Variants in PCDH11X observed in about 807,000 individuals in gnomAD.
The protein encoded by PCDH11X is protocadherin-11 X-linked.
In PCDH11X, 18 loss-of-function variants were observed where a neutral mutation model predicts 53.3. The ratio of observed to expected loss-of-function variants is 0.34; its 90% CI spans 0.23 to 0.50. The LOEUF is 0.50. Among genes scored for constraint, PCDH11X ranks in the 20% least tolerant of loss-of-function variants. The pLI, the probability that PCDH11X is intolerant of heterozygous loss-of-function variation, is 0.98. For missense variants in PCDH11X, 570 were observed against 1,032.4 expected (o/e 0.55, Z 6.14); for synonymous variants, 279 against 393.3 (o/e 0.71, Z 3.44).
At chrX:91,835,431 C>T (rs1304267570) in intron 4 of PCDH11X, 30 bp from the exon 5 acceptor site, 19 of 1,206,498 alleles carry the variant, frequency 1.6e-5, no homozygotes, top group Non-Finnish European at 2.0e-5. Context: ...TTTCTTCTTC[C>T]TCTTCTCTCT....
Position 92,587,723 on chromosome X carries a change from G to A in PCDH11X, c.3368-30541G>A, listed in dbSNP as rs1353259615. On this transcript the variant is annotated intron_variant, in intron 10 of 10. Coordinates refer to ENST00000682573, the MANE Select transcript of PCDH11X (RefSeq NM_032968.5). Reference sequence around the variant, plus strand: ...CAACAGTTCACTTGTAAATGGTTTCGAAGAAGAGATATTGAAGTAATATTC... The same window carrying A: ...CAACAGTTCACTTGTAAATGGTTTCAAAGAAGAGATATTGAAGTAATATTC... Among the ~76,000 whole-genome samples the A allele has an allele frequency of 3.8e-5, 4 of 106,368 alleles. No individual in the cohort carries two copies. The South Asian group carries it at 1.7e-3, about 45-fold the overall frequency. The allele number at this position is 106,368 out of a possible 115,157, so 92.4% of individuals were successfully genotyped here. A position where few individuals can be genotyped will look rare whatever the true frequency, so the allele number is the denominator to read the frequency against.
intron 8 of PCDH11X, among the ~76,000 whole-genome samples, chrX:92,321,186 T>TG (rs202131632): frequency 0.086 from 7,662 of 88,839 alleles, 305 homozygotes; most frequent in African/African-American, 0.11. Flanking sequence ...AACTGTAAGT[T>TG]TTTTTTTGTT....
intron 7 of PCDH11X, among the ~76,000 whole-genome samples, chrX:92,221,921 C>T (rs1282285584): frequency 1.8e-5 from 2 of 110,557 alleles, no homozygotes; most frequent in Non-Finnish European, 3.8e-5. Context: ...GCAATCTCCG[C>T]CTCCTGGGTT....
intron 6 of PCDH11X, among the ~76,000 whole-genome samples, chrX:92,112,275 C>T (rs1332973714): frequency 1.9e-5 from 2 of 105,870 alleles, no homozygotes; most frequent in Non-Finnish European, 3.9e-5. Flanking sequence ...AGCAGGCAGG[C>T]TCATAGATTT....
intron 6 of PCDH11X, among the ~76,000 whole-genome samples, chrX:91,880,155 T>G (rs1569425227): frequency 9.0e-6 from 1 of 110,738 alleles, no homozygotes. Flanking sequence ...TTTATCAGTG[T>G]TCCATGAAGA....
chrX:92,366,487 C>G (rs954315706), intron 8 of PCDH11X, among the ~76,000 whole-genome samples: 6 of 108,279 alleles, frequency 5.5e-5, no homozygotes, highest in Non-Finnish European at 9.6e-5. Context: ...GTGTCTCTAT[C>G]TCCTTCAGTT....
intron 10 of PCDH11X, among the ~76,000 whole-genome samples, chrX:92,589,072 C>T (rs1302664681): frequency 9.0e-6 from 1 of 111,518 alleles, no homozygotes; most frequent in Non-Finnish European, 1.9e-5. Flanking sequence ...AAAGAAAACC[C>T]TTCTACCCTA....
intron 6 of PCDH11X, among the ~76,000 whole-genome samples, chrX:92,088,928 A>G (rs1398096126): frequency 9.1e-6 from 1 of 110,142 alleles, no homozygotes; most frequent in Non-Finnish European, 1.9e-5. Flanking sequence ...AGAAATTACC[A>G]AAACAAAACA....
intron 6 of PCDH11X, among the ~76,000 whole-genome samples, chrX:91,886,526 T>C (rs1471305341): frequency 9.0e-6 from 1 of 111,015 alleles, no homozygotes; most frequent in African/African-American, 3.3e-5. Flanking sequence ...TTTAATGATA[T>C]GATATTTAAG....
intron 10 of PCDH11X, among the ~76,000 whole-genome samples, chrX:92,543,579 G>T (rs916220741): frequency 4.6e-5 from 5 of 108,538 alleles, no homozygotes; most frequent in Admixed American, 9.9e-5. Context: ...TGGTATCAGG[G>T]TCATTATTTA....
At chrX:91,970,011 T>C (rs1223263124) in intron 6 of PCDH11X, among the ~76,000 whole-genome samples, 3 of 110,339 alleles carry the variant, frequency 2.7e-5, no homozygotes, top group African/African-American at 9.9e-5. Flanking sequence ...CGGTGGGTTC[T>C]TGGTCTCGCT....
At chrX:91,917,415 A>G (rs1005064139) in intron 6 of PCDH11X, among the ~76,000 whole-genome samples, 7 of 100,274 alleles carry the variant, frequency 7.0e-5, no homozygotes, top group Non-Finnish European at 1.4e-4. Context: ...AGAAAACCCT[A>G]AAGATTTATC....
At chrX:92,329,763 G>A (rs1391533135) in intron 8 of PCDH11X, among the ~76,000 whole-genome samples, 4 of 111,410 alleles carry the variant, frequency 3.6e-5, no homozygotes, top group Non-Finnish European at 7.6e-5. Flanking sequence ...TTATTTGTGA[G>A]AGCTAAAAAT....
At chrX:91,977,624 A>G (rs759931705) in intron 6 of PCDH11X, among the ~76,000 whole-genome samples, 61 of 109,994 alleles carry the variant, frequency 5.5e-4, no homozygotes, top group African/African-American at 1.9e-3. Context: ...AGTCAGTCTC[A>G]CTCATCACTC....
chrX:92,278,613 CA>C (rs1299185454), intron 8 of PCDH11X, among the ~76,000 whole-genome samples: 10 of 110,029 alleles, frequency 9.1e-5, no homozygotes, highest in African/African-American at 3.0e-4. Context: ...AGGAAATTCA[CA>C]GGGTTAATCA....
intron 6 of PCDH11X, among the ~76,000 whole-genome samples, chrX:92,148,207 T>C (rs2065362802): frequency 1.4e-5 from 1 of 71,802 alleles, no homozygotes; most frequent in African/African-American, 5.5e-5. Flanking sequence ...TTTCTTTCTT[T>C]CTCCCTTTCC....
At chrX:92,293,487 G>A (rs1484435626) in intron 8 of PCDH11X, among the ~76,000 whole-genome samples, 14 of 109,460 alleles carry the variant, frequency 1.3e-4, no homozygotes, top group Admixed American at 5.9e-4. Context: ...AGCCGGGCGT[G>A]GTAGCGGGCG....
At chrX:91,976,202 G>A (rs1489714547) in intron 6 of PCDH11X, among the ~76,000 whole-genome samples, 7 of 111,123 alleles carry the variant, frequency 6.3e-5, no homozygotes, top group Non-Finnish European at 1.1e-4. Flanking sequence ...ACAGGCATGC[G>A]CCACCACACC....
chrX:92,389,191 T>C (rs2071073416), intron 9 of PCDH11X, among the ~76,000 whole-genome samples: 1 of 107,234 alleles, frequency 9.3e-6, no homozygotes, highest in Admixed American at 1.0e-4. Flanking sequence ...GTTCTGAAGA[T>C]AAAAAATTCC....
Sources: gnomAD v4.1 joint callset for allele counts (sites outside exome capture counted in the v4.1 genomes callset) on GRCh38, gnomAD v4.1.1 for gene constraint, MANE v1.5 for transcripts, NCBI Gene and HGNC (gene_info 2026-07-23, HGNC 2026-07-21) for gene names.